The following ADGRD1 variants were observed in gnomAD, a reference collection of about 807,000 sequenced individuals.
ADGRD1 encodes the protein G-protein coupled receptor 133.
In ADGRD1, 77 loss-of-function variants were observed where a neutral mutation model predicts 113.4. That is an observed-to-expected ratio of 0.68 (90% confidence interval 0.57 to 0.82). The LOEUF (loss-of-function observed/expected upper bound fraction) is 0.82, where lower values mean the gene tolerates loss of function less well. ADGRD1 is among the 40% of genes least tolerant of loss of function. The pLI is 0.00. For missense variants in ADGRD1, 1,036 were observed against 1,139.1 expected (o/e 0.91, Z 1.30); for synonymous variants, 474 against 475.0 (o/e 1.00, Z 0.03).
chr12:130,989,837 G>T (rs559006007), intron 6 of ADGRD1: 57 of 152,466 alleles, frequency 3.7e-4, no homozygotes, highest in African/African-American at 1.2e-3. Flanking sequence ...CCCTGGCCAG[G>T]TGTCCCCTCT....
At chr12:131,133,347 T>G (rs975031289) in intron 21 of ADGRD1, among the ~76,000 whole-genome samples, 3 of 152,176 alleles carry the variant, frequency 2.0e-5, no homozygotes, top group Non-Finnish European at 4.4e-5. Flanking sequence ...GCCTTCCATC[T>G]CTACCCCACT....
intron 21 of ADGRD1, among the ~76,000 whole-genome samples, chr12:131,135,690 G>A (rs954378480): frequency 6.7e-6 from 1 of 149,934 alleles, no homozygotes; most frequent in Non-Finnish European, 1.5e-5. Context: ...TCAGTCCCCC[G>A]AATCTCTCCC....
chr12:131,139,289 GCTGCGCTCAGAA>G lies in ADGRD1; in HGVS notation c.*28_*39del, dbSNP rs769068893. 2 of 1,535,756 alleles carry G rather than the reference GCTGCGCTCAGAA, an allele frequency of 1.3e-6. No individual in the cohort carries two copies. Among genetic ancestry groups the G allele is most frequent in the South Asian group, 2.3e-5 (2 of 87,702 alleles). ...GCCGGGAGGCTGCCAACCAGGCCAG[GCTGCGCTCAGAA>G]CACACCCCCCCAAACAGAATGAAAT... On this transcript the variant is annotated 3_prime_UTR_variant, in exon 25 of 25. Coordinates refer to ENST00000261654, the MANE Select transcript of ADGRD1 (RefSeq NM_198827.5).
Position 130,991,032 on chromosome 12 carries a change from C to G in ADGRD1, c.764C>G (p.Ser255Cys). 6.2e-7 allele frequency: 1 copy of G among 1,614,062 alleles called. No homozygotes were observed. The highest frequency in any genetic ancestry group is 8.5e-7 in the Non-Finnish European group (1 of 1,179,916). ...TAAIGKHALL[S>C]STLPSLFMTS... is the part of the protein sequence containing the mutation. Reference sequence around the variant, plus strand: ...CTTCCAGGAAAGCATGCTTTATTGTCTTCAACGCTGCCAAGCCTCTTCATG... The same window carrying G: ...CTTCCAGGAAAGCATGCTTTATTGTGTTCAACGCTGCCAAGCCTCTTCATG... Residue 255 changes from serine (S) to cysteine (C), a missense_variant, in exon 7 of 25, where the codon TCT (serine) becomes TGT (cysteine). Physicochemically the swap from Ser to Cys is moderately radical, Grantham distance 112. Transcript: ENST00000261654.
intron 2 of ADGRD1, chr12:130,957,420 CCA>C (rs150643902): frequency 0.088 from 13,361 of 152,104 alleles, 717 homozygotes; most frequent in Non-Finnish European, 0.12. Flanking sequence ...CCACACACGT[CCA>C]CACACACTCA....
intron 13 of ADGRD1, among the ~76,000 whole-genome samples, chr12:131,046,310 C>G (rs1882751575): frequency 2.7e-5 from 4 of 145,508 alleles, no homozygotes; most frequent in Admixed American, 2.7e-4. Context: ...GTGCTCCCTC[C>G]CTGGTCAGTG....
At chr12:131,065,302 G>A (rs1884633988) in intron 13 of ADGRD1, among the ~76,000 whole-genome samples, 1 of 152,232 alleles carries the variant, frequency 6.6e-6, no homozygotes, top group Admixed American at 6.5e-5. Context: ...ACCTGTTGGT[G>A]TTGCTCCTGC....
chr12:130,992,176 C>T lies in ADGRD1; in HGVS notation c.811-61C>T, dbSNP rs1194291645. The stretch of plus-strand genomic sequence containing the variant: ...TCGACCCAGAGTAGGACACATTAAA[C>T]TTCTGTATAATATTTTGGTTTTAGT... On this transcript the variant is annotated intron_variant, in intron 7 of 24. Coordinates refer to ENST00000261654, the MANE Select transcript of ADGRD1 (RefSeq NM_198827.5). 6 of 1,289,982 alleles carry T rather than the reference C, an allele frequency of 4.7e-6. No homozygotes were observed. The East Asian group carries it at 1.2e-4, about 25-fold the overall frequency. The allele number at this position is 1,289,982 out of a possible 1,614,324, so 79.9% of individuals were successfully genotyped here. A position where few individuals can be genotyped will look rare whatever the true frequency, so the allele number is the denominator to read the frequency against.
intron 15 of ADGRD1, among the ~76,000 whole-genome samples, chr12:131,091,169 A>G (rs751659850): frequency 6.6e-6 from 1 of 152,222 alleles, no homozygotes; most frequent in Non-Finnish European, 1.5e-5. Context: ...TTTTAATTGG[A>G]TAAAATTATC....
Position 130,992,282 on chromosome 12 carries a change from G to A in ADGRD1, c.856G>A (p.Glu286Lys), listed in dbSNP as rs1044625349. The A allele has an allele frequency of 6.2e-7, 1 of 1,613,754 alleles. No individual in the cohort carries two copies. Among genetic ancestry groups the A allele is most frequent in the Non-Finnish European group, 8.5e-7 (1 of 1,179,790 alleles). The change falls in exon 8 of 25, where the codon GAG becomes AAG. Residue 286 changes from glutamate to lysine, a missense_variant. Glu to Lys is a moderately conservative substitution (Grantham distance 56). Transcript: ENST00000261654. ...TCCCATCATAACCAACCTGACAGAA[G>A]AGAGAAAAACCTTCCAAAGTCCCGG... ...YHPIITNLTE[E>K]RKTFQSPGVI...
At position 131,117,673 on chromosome 12, in the gene ADGRD1, C is replaced by T. The variant is rs1002717417; in HGVS notation, c.2042-712C>T. 1.1e-4 allele frequency among the ~76,000 whole-genome samples: 16 copies of T among 152,296 alleles called. No homozygotes were observed. In the South Asian group the frequency reaches 3.3e-3, roughly 32 times the overall value. On this transcript the variant is annotated intron_variant, in intron 18 of 24. Coordinates refer to ENST00000261654, the MANE Select transcript of ADGRD1 (RefSeq NM_198827.5). ...AGTCAGCCAGTCCTGGGTCACATGCCTCAGAGCCAGGAAGGAACCAGCCCA... is the reference window on the plus strand; with the variant it reads ...AGTCAGCCAGTCCTGGGTCACATGCTTCAGAGCCAGGAAGGAACCAGCCCA...
At chr12:131,072,685 G>A (rs1411073595) in intron 13 of ADGRD1, among the ~76,000 whole-genome samples, 1 of 152,232 alleles carries the variant, frequency 6.6e-6, no homozygotes, top group African/African-American at 2.4e-5. Context: ...CTGCCTTAAT[G>A]CCAAAGAGAT....
At position 131,018,493 on chromosome 12, in the gene ADGRD1, G is replaced by C. The variant is rs573539180; in HGVS notation, c.1473+4153G>C. On this transcript the variant is annotated intron_variant, in intron 13 of 24. Coordinates refer to ENST00000261654, the MANE Select transcript of ADGRD1 (RefSeq NM_198827.5). ...TGAGACAGGAGGGAAGCTCCACCTCGGGTCGGCCGCCTCACGCAGCGCTTC... is the reference window on the plus strand; with the variant it reads ...TGAGACAGGAGGGAAGCTCCACCTCCGGTCGGCCGCCTCACGCAGCGCTTC... 4.0e-5 allele frequency among the ~76,000 whole-genome samples: 6 copies of C among 151,304 alleles called. No homozygotes were observed. In the East Asian group the frequency reaches 1.2e-3, roughly 30 times the overall value.
intron 20 of ADGRD1, among the ~76,000 whole-genome samples, chr12:131,121,222 G>A (rs905063482): frequency 1.3e-5 from 2 of 152,102 alleles, no homozygotes; most frequent in African/African-American, 2.4e-5. Context: ...CCCATCCTCC[G>A]GTGCCTTCTC....
intron 14 of ADGRD1, among the ~76,000 whole-genome samples, chr12:131,077,549 G>A (rs10773842): frequency 0.31 from 46,370 of 151,804 alleles, 8,594 homozygotes; most frequent in East Asian, 0.67. Context: ...TGAGCCCACC[G>A]TGAATGGCTC....
At chr12:131,083,978 G>A (rs112904815) in intron 14 of ADGRD1, among the ~76,000 whole-genome samples, 4 of 152,276 alleles carry the variant, frequency 2.6e-5, no homozygotes, top group Non-Finnish European at 4.4e-5. Flanking sequence ...GCCTTGCGTC[G>A]TGGTTAGTCA....
At position 131,080,841 on chromosome 12, in the gene ADGRD1, C is replaced by T. The variant is rs1029414367; in HGVS notation, c.1548-3699C>T. 9.2e-5 allele frequency among the ~76,000 whole-genome samples: 14 copies of T among 152,046 alleles called. 1 individual carries two copies. In the East Asian group the frequency reaches 1.2e-3, roughly 13 times the overall value. On this transcript the variant is annotated intron_variant, in intron 14 of 24. Transcript: ENST00000261654. ...TTCACCGTGTTAGCCAGGATGGTCTCGATCTCCTGACCTCGTGATCCGCCC... is the reference window on the plus strand; with the variant it reads ...TTCACCGTGTTAGCCAGGATGGTCTTGATCTCCTGACCTCGTGATCCGCCC...
intron 15 of ADGRD1, among the ~76,000 whole-genome samples, chr12:131,090,054 C>G (rs1432264833): frequency 6.6e-6 from 1 of 152,122 alleles, no homozygotes; most frequent in Admixed American, 6.5e-5. Context: ...AGGGCCCAGT[C>G]CAGCGAGTAA....
chr12:131,070,995 C>T (rs1341231288), intron 13 of ADGRD1: 1 of 511,726 alleles, frequency 2.0e-6, no homozygotes, highest in African/African-American at 1.9e-5. Context: ...AGGCTGGAGC[C>T]ACTTGATAGA....
Sources: gnomAD v4.1 joint callset for allele counts (sites outside exome capture counted in the v4.1 genomes callset) on GRCh38, gnomAD v4.1.1 for gene constraint, MANE v1.5 for transcripts, NCBI Gene and HGNC (gene_info 2026-07-23, HGNC 2026-07-21) for gene names.